The following ACACB variants were observed in gnomAD, a reference collection of about 807,000 sequenced individuals.
The protein encoded by ACACB is acetyl-CoA carboxylase 2.
ACACB carries 209 observed loss-of-function variants against 278.8 expected under a neutral mutation model. That is an observed-to-expected ratio of 0.75 (90% CI 0.67 to 0.84). The LOEUF is 0.84. Ranked by LOEUF, ACACB falls within the 40% of genes least tolerant of loss-of-function variation. ACACB has a pLI of 0.00. For synonymous variants in ACACB, 1,174 were observed against 1,285.6 expected, an observed-to-expected ratio of 0.91 and a Z score of 1.86; for missense variants, 2,850 against 3,269.0, an observed-to-expected ratio of 0.87 and a Z score of 3.13.
chr12:109,215,212 T>A (rs1038240437), intron 22 of ACACB, among the ~76,000 whole-genome samples: 9 of 152,274 alleles, frequency 5.9e-5, no homozygotes, highest in Non-Finnish European at 1.2e-4. Context: ...AATTGAAAAA[T>A]TTTGTTTTTA....
intron 21 of ACACB, among the ~76,000 whole-genome samples, chr12:109,210,510 C>A (rs1411654355): frequency 1.4e-5 from 2 of 146,488 alleles, no homozygotes; most frequent in South Asian, 4.2e-4. Flanking sequence ...TGTGTATATA[C>A]GCACATACAT....
chr12:109,204,212 A>T (rs2045423196), intron 19 of ACACB, among the ~76,000 whole-genome samples: 1 of 151,824 alleles, frequency 6.6e-6, no homozygotes, highest in East Asian at 1.9e-4. Flanking sequence ...GTTAGTTTAA[A>T]ATGTACAGTC....
chr12:109,182,745 G>A (rs964264834), intron 11 of ACACB, among the ~76,000 whole-genome samples: 3 of 152,148 alleles, frequency 2.0e-5, no homozygotes, highest in Non-Finnish European at 4.4e-5. Context: ...CCATGCTGTG[G>A]ATTGTCTCTT....
intron 2 of ACACB, among the ~76,000 whole-genome samples, chr12:109,142,826 C>G (rs1408446686): frequency 6.6e-6 from 1 of 152,168 alleles, no homozygotes; most frequent in Admixed American, 6.5e-5. Context: ...CTTGGCCTCC[C>G]AAAGTGCTGG....
chr12:109,245,337 G>A (rs1229175606), intron 37 of ACACB, among the ~76,000 whole-genome samples: 1 of 152,120 alleles, frequency 6.6e-6, no homozygotes, highest in Non-Finnish European at 1.5e-5. Flanking sequence ...CTGAATTCAA[G>A]GGAATGGTCA....
chr12:109,147,304 C>A (rs1013332877), intron 2 of ACACB, among the ~76,000 whole-genome samples: 3 of 151,634 alleles, frequency 2.0e-5, no homozygotes, highest in African/African-American at 7.3e-5. Context: ...GATCTCAGCT[C>A]ACTGCAACCC....
In ACACB at chr12:109,257,867, G is replaced by A. The variant is rs918493501; in HGVS notation, c.6264-401G>A. 2.6e-5 allele frequency among the ~76,000 whole-genome samples: 4 copies of A among 152,146 alleles called. No homozygotes were observed. In the East Asian group the frequency reaches 5.8e-4, roughly 22 times the overall value. ...ATTACAGGCATAAGCCACCATGCCC[G>A]GCTCCTTCAGTTTAAATTGAACTAA... On this transcript the variant is annotated intron_variant, in intron 45 of 52. Transcript: ENST00000338432.
intron 2 of ACACB, among the ~76,000 whole-genome samples, chr12:109,166,595 A>G (rs1367360888): frequency 7.3e-6 from 1 of 136,068 alleles, no homozygotes; most frequent in African/African-American, 2.7e-5. Flanking sequence ...GGCTGCAGCG[A>G]GCCACGATTG....
intron 20 of ACACB, among the ~76,000 whole-genome samples, chr12:109,207,091 G>T (rs977514965): frequency 9.9e-5 from 15 of 152,136 alleles, no homozygotes; most frequent in African/African-American, 3.1e-4. Flanking sequence ...ACGTAGCTGG[G>T]ACTATAGGTG....
intron 2 of ACACB, among the ~76,000 whole-genome samples, 197 bp from the exon 3 acceptor site, chr12:109,166,664 A>AAAAAAAC (rs2043910000): frequency 7.0e-6 from 1 of 143,878 alleles, no homozygotes; most frequent in Non-Finnish European, 1.5e-5. Context: ...AAAAAAAAAA[A>AAAAAAAC]AAAAAAAAAA....
In ACACB at chr12:109,139,686, C is replaced by T. The variant is rs767936750; in HGVS notation, c.281C>T (p.Pro94Leu). The T allele has an allele frequency of 3.1e-6, 5 of 1,614,062 alleles. No individual in the cohort carries two copies. The South Asian group carries it at 3.3e-5, about 11-fold the overall frequency. ...GGTCGGCGGAGAAACTCCCTACCACCCTCCCACCAGAAGCCCCCAAGAAAC... is the reference window on the plus strand; with the variant it reads ...GGTCGGCGGAGAAACTCCCTACCACTCTCCCACCAGAAGCCCCCAAGAAAC... The part of the protein sequence containing the change: ...DAGRRRNSLP[P>L]SHQKPPRNPL... The change falls in exon 2 of 53, where the codon CCC becomes CTC. Residue 94 changes from proline (P) to leucine (L), a missense_variant. Around this residue, in one of 3 missense-constraint regions of ACACB, gnomAD observed 2,265 missense variants for 2,561.3 expected, o/e 0.88. Coordinates refer to ENST00000338432, the MANE Select transcript of ACACB (RefSeq NM_001093.4).
rs183664958 is a variant in ACACB at position 109,200,954 on chromosome 12, G to C, written c.2779-613G>C. 2.2e-4 allele frequency among the ~76,000 whole-genome samples: 33 copies of C among 152,238 alleles called. No homozygotes were observed. In the East Asian group the frequency reaches 6.0e-3, roughly 28 times the overall value. On this transcript the variant is annotated intron_variant, in intron 18 of 52. Transcript: ENST00000338432. ...ACTTCTGAAGATCACAGAGGTATTGGTGGGGGCAGTTCCTGGGATTCTAGT... is the reference window on the plus strand; with the variant it reads ...ACTTCTGAAGATCACAGAGGTATTGCTGGGGGCAGTTCCTGGGATTCTAGT...
chr12:109,223,776 C>T, intron 26 of ACACB, 39 bp from the exon 27 acceptor site: 1 of 1,558,492 alleles, frequency 6.4e-7, no homozygotes, highest in Non-Finnish European at 8.9e-7. Flanking sequence ...AACTTGTTCA[C>T]ATTTACTTTT....
chr12:109,261,621 A>G (rs1055491764), intron 48 of ACACB, among the ~76,000 whole-genome samples: 1 of 152,158 alleles, frequency 6.6e-6, no homozygotes, highest in Non-Finnish European at 1.5e-5. Context: ...CTGTAATCCC[A>G]GCATTTTGGG....
Position 109,232,664 on chromosome 12 carries a change from T to A in ACACB, c.4002-5T>A. ...CCTCATCCCCGACTTGCCATCACCT[T>A]ACAGGATGACCGTGCCCATCAGCAT... is the stretch of plus-strand genomic sequence containing the variant. On this transcript the variant is annotated splice_polypyrimidine_tract_variant and splice_region_variant and intron_variant, in intron 28 of 52. Transcript: ENST00000338432. 4.3e-6 allele frequency: 7 copies of A among 1,613,484 alleles called. No individual in the cohort carries two copies. Among genetic ancestry groups the A allele is most frequent in the Non-Finnish European group, 5.9e-6 (7 of 1,179,708 alleles).
At chr12:109,113,948 G>C (rs1191060129), upstream of ACACB, among the ~76,000 whole-genome samples, 1 of 152,168 alleles carries the variant, frequency 6.6e-6, no homozygotes, top group Non-Finnish European at 1.5e-5. Flanking sequence ...ACAACAGGAA[G>C]TTCCTTTGTA....
At chr12:109,247,563 T>A (rs777284270) in intron 39 of ACACB, 43 bp from the exon 40 acceptor site, 3 of 1,447,966 alleles carry the variant, frequency 2.1e-6, no homozygotes, top group Non-Finnish European at 1.9e-6. Context: ...TGGCTTTCAG[T>A]GCAGGGAACT....
intron 16 of ACACB, among the ~76,000 whole-genome samples, chr12:109,194,971 C>T (rs1179577392): frequency 6.6e-6 from 1 of 151,614 alleles, no homozygotes; most frequent in Non-Finnish European, 1.5e-5. Flanking sequence ...TGGTTTACTA[C>T]TGGAGTCCCT....
chr12:109,255,883 T>C (rs2047211414), intron 44 of ACACB, among the ~76,000 whole-genome samples: 1 of 152,240 alleles, frequency 6.6e-6, no homozygotes, highest in African/African-American at 2.4e-5. Flanking sequence ...TGGAGTTGGC[T>C]GGCTGTTGAT....
Sources: gnomAD v4.1 joint callset for allele counts (sites outside exome capture counted in the v4.1 genomes callset) on GRCh38, gnomAD v4.1.1 for gene constraint, gnomAD v4.1.1 regional missense constraint, MANE v1.5 for transcripts, NCBI Gene and HGNC (gene_info 2026-07-23, HGNC 2026-07-21) for gene names.